NDUFA10: variants seen among roughly 807,000 people sequenced by gnomAD.
NDUFA10 encodes the protein NADH dehydrogenase [ubiquinone] 1 alpha subcomplex subunit 10, mitochondrial.
A neutral mutation model predicts 47.8 loss-of-function variants in NDUFA10; 40 were observed. The observed-to-expected ratio is 0.84, with a 90% CI of 0.65 to 1.09. The LOEUF (loss-of-function observed/expected upper bound fraction) is 1.09, where lower values mean the gene tolerates loss of function less well. Among genes scored for constraint, NDUFA10 ranks in the 50% least tolerant of loss-of-function variants. The pLI, the probability that NDUFA10 is intolerant of heterozygous loss-of-function variation, is 0.00. For missense variants in NDUFA10, 413 were observed against 451.1 expected, an observed-to-expected ratio of 0.92 and a Z score of 0.76; for synonymous variants, 183 against 172.2, an observed-to-expected ratio of 1.06 and a Z score of -0.49.
At chr2:240,015,075 G>A (rs1212162927) in intron 4 of NDUFA10, among the ~76,000 whole-genome samples, 1 of 152,278 alleles carries the variant, frequency 6.6e-6, no homozygotes. Context: ...GACAGCAGCT[G>A]TGGTGCCCAC....
intron 9 of NDUFA10, among the ~76,000 whole-genome samples, chr2:239,976,763 C>T (rs79542759): frequency 0.035 from 5,365 of 152,254 alleles, 154 homozygotes; most frequent in African/African-American, 0.068. Flanking sequence ...GAGGCGACTC[C>T]ACCATGCGGA....
At chr2:239,931,519 T>C (rs1694173014) in intron 4 of NDUFA10, among the ~76,000 whole-genome samples, 1 of 151,998 alleles carries the variant, frequency 6.6e-6, no homozygotes, top group Admixed American at 6.6e-5. Context: ...ACAGCGTCTT[T>C]CCACCAAGCG....
rs556391186 is a variant in NDUFA10 at position 239,945,496 on chromosome 2, C to A, written c.294+44578G>T. 1.2e-4 allele frequency among the ~76,000 whole-genome samples: 18 copies of A among 152,064 alleles called. No homozygotes were observed. Among genetic ancestry groups the A allele is most frequent in the Admixed American group, 3.9e-4 (6 of 15,284 alleles). ...CCCAACCGGAACGCAGGCTGCACCG[C>A]GAGGCTCCCTGCGCCCCACCGAGCC... is the stretch of plus-strand genomic sequence containing the variant. On this transcript the variant is annotated intron_variant, in intron 4 of 5. Coordinates refer to the NDUFA10 transcript ENST00000419408. This position sits in a 1 kb window ranked among gnomAD's most constrained non-coding sequence, Gnocchi z 4.6.
chr2:240,020,078 G>A (rs1697556256), intron 3 of NDUFA10, among the ~76,000 whole-genome samples: 1 of 152,228 alleles, frequency 6.6e-6, no homozygotes, highest in Non-Finnish European at 1.5e-5. Flanking sequence ...GTACAACTGT[G>A]TAGATACGTG....
chr2:239,906,678 T>G lies in NDUFA10; in HGVS notation c.295-11364A>C, dbSNP rs13384372. On this transcript the variant is annotated intron_variant, in intron 4 of 5. Coordinates refer to the NDUFA10 transcript ENST00000419408. The surrounding 1 kb of genome is among the most constrained non-coding windows in gnomAD (Gnocchi z 4.3). ...TTTGCCCTGCACCCAACCCTAAAGGTGCCTCCTCCTTTCTTCTTGATGAAA... is the reference window on the plus strand; with the variant it reads ...TTTGCCCTGCACCCAACCCTAAAGGGGCCTCCTCCTTTCTTCTTGATGAAA... 0.17 allele frequency among the ~76,000 whole-genome samples: 25,163 copies of G among 152,112 alleles called. 2,102 individuals are homozygous for G. Among genetic ancestry groups the G allele is most frequent in the South Asian group, 0.19 (928 of 4,820 alleles).
intron 4 of NDUFA10, among the ~76,000 whole-genome samples, chr2:239,921,117 G>A (rs142924716): frequency 4.4e-3 from 675 of 152,216 alleles, no homozygotes; most frequent in South Asian, 0.011. Flanking sequence ...CAATATGGTG[G>A]CTCGAACCTA....
intron 9 of NDUFA10, chr2:239,983,478 CCTTAAACAAAAT>C: frequency 6.5e-7 from 1 of 1,547,560 alleles, no homozygotes. Context: ...AACCGAATTT[CCTTAAACAAAAT>C]CCTCTAAACA....
intron 4 of NDUFA10, among the ~76,000 whole-genome samples, chr2:239,920,283 G>A (rs1693946541): frequency 6.6e-6 from 1 of 152,232 alleles, no homozygotes; most frequent in African/African-American, 2.4e-5. Flanking sequence ...CCATCCTGCA[G>A]AGCTGAGAAT....
intron 9 of NDUFA10, among the ~76,000 whole-genome samples, chr2:239,982,388 A>C (rs1239382335): frequency 1.3e-5 from 2 of 152,250 alleles, no homozygotes; most frequent in Non-Finnish European, 2.9e-5. Flanking sequence ...GTGTAATTAT[A>C]GAAAACAGCA....
chr2:239,985,895 G>A (rs865831555), intron 9 of NDUFA10, among the ~76,000 whole-genome samples: 8 of 131,392 alleles, frequency 6.1e-5, no homozygotes, highest in African/African-American at 2.3e-4. Context: ...TGGGTGACAA[G>A]AGTGAGATTC....
Position 239,960,105 on chromosome 2 carries a change from T to C in NDUFA10, c.*1013A>G, listed in dbSNP as rs1694789324. On this transcript the variant is annotated 3_prime_UTR_variant, in exon 10 of 10. Coordinates refer to ENST00000252711, the MANE Select transcript of NDUFA10 (RefSeq NM_004544.4). ...ACCCACATGTGGCTAGGAGCTACCATATTGGACACAGTGGAGCTTTACAGT... is the reference window on the plus strand; with the variant it reads ...ACCCACATGTGGCTAGGAGCTACCACATTGGACACAGTGGAGCTTTACAGT... 2 of 985,278 alleles carry C rather than the reference T, an allele frequency of 2.0e-6. No individual in the cohort carries two copies. The highest frequency in any genetic ancestry group is 1.7e-5 in the African/African-American group (1 of 57,208). 61.0% of individuals were successfully genotyped at this position (985,278 alleles called of 1,614,324 possible).
rs183332592 is a variant in NDUFA10 at position 239,958,474 on chromosome 2, T to A, written c.*2644A>T. On this transcript the variant is annotated 3_prime_UTR_variant, in exon 10 of 10. Transcript: ENST00000252711. ...CACCACGAATTCAATTGAAGCGGCG[T>A]AACTGAAGGTCCCTGGGTCCACCTG... is the stretch of plus-strand genomic sequence containing the variant. 132 of 152,346 alleles carry A rather than the reference T, an allele frequency of 8.7e-4. No individual in the cohort carries two copies. The highest frequency in any genetic ancestry group is 2.8e-3 in the African/African-American group (118 of 41,578). 9.4% of individuals were successfully genotyped at this position (152,346 alleles called of 1,614,324 possible). A position where few individuals can be genotyped will look rare whatever the true frequency, so the allele number is the denominator to read the frequency against.
rs1482113691 is a variant in NDUFA10 at position 239,960,204 on chromosome 2, G to C, written c.*914C>G. ...ATGGACACAGTGGAGCTTTACAGTG[G>C]AAAACCCACAGTTCAGTAGGACTCA... On this transcript the variant is annotated 3_prime_UTR_variant, in exon 10 of 10. Coordinates refer to ENST00000252711, the MANE Select transcript of NDUFA10 (RefSeq NM_004544.4). 6 of 984,134 alleles carry C rather than the reference G, an allele frequency of 6.1e-6. No homozygotes were observed. The highest frequency in any genetic ancestry group is 7.2e-6 in the Non-Finnish European group (6 of 829,872). The allele number at this position is 984,134 out of a possible 1,614,324, so 61.0% of individuals were successfully genotyped here.
chr2:239,938,996 G>A (rs769600630), intron 4 of NDUFA10, among the ~76,000 whole-genome samples: 8 of 152,092 alleles, frequency 5.3e-5, no homozygotes, highest in South Asian at 2.1e-4. Flanking sequence ...ATGCTCAGCC[G>A]TTGGGTTGGG....
At chr2:239,903,891 C>G (rs1421226754) in intron 4 of NDUFA10, among the ~76,000 whole-genome samples, 1 of 152,170 alleles carries the variant, frequency 6.6e-6, no homozygotes, top group Admixed American at 6.5e-5. Context: ...CAGGGGAGAA[C>G]TTTGTGTCAT....
intron 7 of NDUFA10, among the ~76,000 whole-genome samples, chr2:240,006,833 C>G (rs895235860): frequency 1.3e-5 from 2 of 152,202 alleles, no homozygotes; most frequent in African/African-American, 4.8e-5. Flanking sequence ...GCTCTCCTTA[C>G]TACAATCGTA....
chr2:239,898,740 T>A (rs907071648), intron 4 of NDUFA10, among the ~76,000 whole-genome samples: 14 of 152,368 alleles, frequency 9.2e-5, no homozygotes, highest in African/African-American at 3.4e-4. Context: ...CTCTGCATCA[T>A]CTTGGAAACC....
intron 4 of NDUFA10, among the ~76,000 whole-genome samples, chr2:239,940,575 A>T (rs895816411): frequency 2.0e-5 from 3 of 152,256 alleles, no homozygotes; most frequent in Non-Finnish European, 4.4e-5. Flanking sequence ...TATGTGTGTT[A>T]AAAGCTAATT....
chr2:239,932,673 G>A (rs4854074), intron 4 of NDUFA10, among the ~76,000 whole-genome samples: 60,975 of 151,532 alleles, frequency 0.4, 12,338 homozygotes, highest in East Asian at 0.47. Context: ...TCCACCTCCC[G>A]GGTTCACGCC....
Sources: gnomAD v4.1 joint callset for allele counts (sites outside exome capture counted in the v4.1 genomes callset) on GRCh38, gnomAD v4.1.1 for gene constraint, Gnocchi (gnomAD v3.1) non-coding constraint, MANE v1.5 for transcripts, NCBI Gene and HGNC (gene_info 2026-07-23, HGNC 2026-07-21) for gene names.